The following B3GALT1 variants were observed in gnomAD, a reference collection of about 807,000 sequenced individuals.
The protein encoded by B3GALT1 is beta-1,3-galactosyltransferase 1.
A neutral mutation model predicts 23.2 loss-of-function variants in B3GALT1; 10 were observed. That is an observed-to-expected ratio of 0.43 (90% CI 0.27 to 0.73). The LOEUF (loss-of-function observed/expected upper bound fraction) is 0.73. B3GALT1 is among the 30% of genes least tolerant of loss of function. The pLI is 0.21. For missense variants in B3GALT1, 299 were observed against 405.4 expected (o/e 0.74, Z 2.25); for synonymous variants, 156 against 141.5 (o/e 1.10, Z -0.73).
intron 2 of B3GALT1, among the ~76,000 whole-genome samples, chr2:167,549,330 G>T (rs1003486511): frequency 6.6e-6 from 1 of 152,086 alleles, no homozygotes; most frequent in African/African-American, 2.4e-5. Context: ...TGTCCATCTT[G>T]GAAGAGATAG....
At chr2:167,693,151 G>C (rs974261000) in intron 3 of B3GALT1, among the ~76,000 whole-genome samples, 1 of 151,648 alleles carries the variant, frequency 6.6e-6, no homozygotes, top group Non-Finnish European at 1.5e-5. Context: ...CCAAGGTCCC[G>C]GTGCAATACC....
intron 1 of B3GALT1, among the ~76,000 whole-genome samples, chr2:167,398,496 T>C (rs1165714289): frequency 6.6e-6 from 1 of 152,140 alleles, no homozygotes; most frequent in Non-Finnish European, 1.5e-5. Flanking sequence ...ATTGAGTGTT[T>C]AATGTGTGCC....
intron 3 of B3GALT1, among the ~76,000 whole-genome samples, chr2:167,691,586 G>A (rs925772030): frequency 6.6e-6 from 1 of 152,086 alleles, no homozygotes; most frequent in Non-Finnish European, 1.5e-5. Context: ...AAATCTTCAG[G>A]AGGACAGTTT....
At chr2:167,363,779 C>G (rs1483866634) in intron 1 of B3GALT1, among the ~76,000 whole-genome samples, 1 of 152,052 alleles carries the variant, frequency 6.6e-6, no homozygotes, top group Non-Finnish European at 1.5e-5. Flanking sequence ...TCTCTGATTC[C>G]CAACATCTTA....
At chr2:167,853,436 C>T (rs1028904262) in intron 4 of B3GALT1, among the ~76,000 whole-genome samples, 9 of 152,064 alleles carry the variant, frequency 5.9e-5, no homozygotes, top group African/African-American at 2.2e-4. Context: ...CAATAATTAA[C>T]TATTTCAATT....
At chr2:167,344,654 T>C (rs1697200645) in intron 1 of B3GALT1, among the ~76,000 whole-genome samples, 1 of 152,216 alleles carries the variant, frequency 6.6e-6, no homozygotes, top group Non-Finnish European at 1.5e-5. Flanking sequence ...TCAAGGTAAG[T>C]GCTTCATTCT....
intron 1 of B3GALT1, among the ~76,000 whole-genome samples, chr2:167,420,642 T>C: frequency 6.6e-6 from 1 of 152,364 alleles, no homozygotes; most frequent in South Asian, 2.1e-4. Context: ...AATTACCTCA[T>C]GCCTAGCATG....
At chr2:167,516,801 C>T (rs962445960) in intron 2 of B3GALT1, among the ~76,000 whole-genome samples, 2 of 151,890 alleles carry the variant, frequency 1.3e-5, no homozygotes, top group African/African-American at 4.8e-5. Flanking sequence ...AATGCTGCAG[C>T]CATAATGATC....
chr2:167,327,112 C>G (rs560903873), intron 1 of B3GALT1, among the ~76,000 whole-genome samples: 1 of 152,194 alleles, frequency 6.6e-6, no homozygotes, highest in South Asian at 2.1e-4. Flanking sequence ...TTCCATTGAT[C>G]TATATGTTTA....
At chr2:167,440,545 A>C (rs1468103023) in intron 1 of B3GALT1, among the ~76,000 whole-genome samples, 1 of 152,052 alleles carries the variant, frequency 6.6e-6, no homozygotes, top group East Asian at 1.9e-4. Context: ...TTTTAGATTA[A>C]AAGTCTGATG....
At chr2:167,562,231 A>G (rs1684014887) in intron 2 of B3GALT1, among the ~76,000 whole-genome samples, 1 of 152,234 alleles carries the variant, frequency 6.6e-6, no homozygotes, top group South Asian at 2.1e-4. Flanking sequence ...ATAGATGCAG[A>G]AAAGGCCTTT....
At chr2:167,316,757 G>A (rs982351544) in intron 1 of B3GALT1, among the ~76,000 whole-genome samples, 1 of 152,042 alleles carries the variant, frequency 6.6e-6, no homozygotes, top group African/African-American at 2.4e-5. Context: ...ACACTTGATT[G>A]GCTTCCACTC....
chr2:167,517,963 C>T (rs963174548), intron 2 of B3GALT1, among the ~76,000 whole-genome samples: 1 of 152,042 alleles, frequency 6.6e-6, no homozygotes, highest in African/African-American at 2.4e-5. Flanking sequence ...AGTGTAATCT[C>T]ATTTGATCCC....
chr2:167,662,395 T>C (rs959633936), intron 3 of B3GALT1, among the ~76,000 whole-genome samples: 7 of 152,100 alleles, frequency 4.6e-5, no homozygotes, highest in Middle Eastern at 3.2e-3. Flanking sequence ...ATGTTTCATA[T>C]GCCCTCTGTC....
intron 2 of B3GALT1, among the ~76,000 whole-genome samples, chr2:167,520,648 G>A (rs999154026): frequency 1.3e-5 from 2 of 152,208 alleles, no homozygotes; most frequent in African/African-American, 4.8e-5. Context: ...GCTTTGCCTG[G>A]ATGACTTCTA....
intron 3 of B3GALT1, among the ~76,000 whole-genome samples, chr2:167,704,234 G>A (rs1686936711): frequency 1.3e-5 from 2 of 149,936 alleles, no homozygotes; most frequent in Non-Finnish European, 3.0e-5. Context: ...GGTAAGTCAT[G>A]GAATTATGAA....
At chr2:167,373,498 G>T (rs1320588989) in intron 1 of B3GALT1, among the ~76,000 whole-genome samples, 1 of 151,942 alleles carries the variant, frequency 6.6e-6, no homozygotes, top group Non-Finnish European at 1.5e-5. Flanking sequence ...CAAACGACTG[G>T]TATTCAGAAT....
At chr2:167,666,825 A>C (rs995926042) in intron 3 of B3GALT1, among the ~76,000 whole-genome samples, 14 of 151,690 alleles carry the variant, frequency 9.2e-5, no homozygotes, top group Non-Finnish European at 1.9e-4. Context: ...CCATCCTTTT[A>C]TTTTGAGCTT....
chr2:167,539,777 T>C (rs1029820697), intron 2 of B3GALT1, among the ~76,000 whole-genome samples: 1 of 152,114 alleles, frequency 6.6e-6, no homozygotes, highest in African/African-American at 2.4e-5. Context: ...TAATTTGGTA[T>C]CCACAAAATA....
Sources: gnomAD v4.1 joint callset for allele counts (sites outside exome capture counted in the v4.1 genomes callset) on GRCh38, gnomAD v4.1.1 for gene constraint, MANE v1.5 for transcripts, NCBI Gene and HGNC (gene_info 2026-07-23, HGNC 2026-07-21) for gene names.